Variants in TENM2 observed in about 807,000 individuals in gnomAD.
TENM2 encodes teneurin transmembrane protein 2.
A neutral mutation model predicts 245.2 loss-of-function variants in TENM2; 52 were observed. The observed-to-expected ratio is 0.21, with a 90% CI of 0.17 to 0.27. TENM2 has a LOEUF of 0.27. TENM2 is among the 10% of genes least tolerant of loss of function. The pLI, the probability that TENM2 is intolerant of heterozygous loss-of-function variation, is 1.00. For missense variants in TENM2, 3,046 were observed against 3,666.8 expected (o/e 0.83, Z 4.37); for synonymous variants, 1,363 against 1,438.9 (o/e 0.95, Z 1.19).
At chr5:167,498,449 A>T (rs1025481) in intron 2 of TENM2, among the ~76,000 whole-genome samples, 1 of 151,878 alleles carries the variant, frequency 6.6e-6, no homozygotes, top group Non-Finnish European at 1.5e-5. Flanking sequence ...AGAAGGTATG[A>T]CATTGCCAGG....
intron 2 of TENM2, among the ~76,000 whole-genome samples, chr5:167,539,738 C>T (rs1025287906): frequency 3.9e-5 from 6 of 152,098 alleles, no homozygotes; most frequent in Non-Finnish European, 8.8e-5. Flanking sequence ...AAAATATTGA[C>T]ACATCCCTAT....
At chr5:167,056,519 T>TAC in the TENM2 span, among the ~76,000 whole-genome samples, 1 of 146,084 alleles carries the variant, frequency 6.8e-6, no homozygotes, top group African/African-American at 2.5e-5. Flanking sequence ...ATGTATTTTA[T>TAC]GTATATATCT....
At chr5:167,373,797 A>G (rs1245369452) in intron 1 of TENM2, among the ~76,000 whole-genome samples, 1 of 152,188 alleles carries the variant, frequency 6.6e-6, no homozygotes, top group Admixed American at 6.5e-5. Context: ...CTCTTTGTAA[A>G]GTGGTGATGT....
chr5:167,551,026 G>A (rs1347526007), intron 2 of TENM2, among the ~76,000 whole-genome samples: 1 of 152,108 alleles, frequency 6.6e-6, no homozygotes, highest in Non-Finnish European at 1.5e-5. Context: ...ACCATGCCCA[G>A]CCATAACCTT....
chr5:167,418,592 A>C (rs1353819539), intron 2 of TENM2, among the ~76,000 whole-genome samples: 2 of 152,230 alleles, frequency 1.3e-5, no homozygotes, highest in African/African-American at 4.8e-5. Context: ...AATGAACAGG[A>C]CATGAACAAT....
intron 2 of TENM2, among the ~76,000 whole-genome samples, chr5:167,809,070 CAG>C (rs1766441932): frequency 6.6e-6 from 1 of 152,120 alleles, no homozygotes; most frequent in Non-Finnish European, 1.5e-5. Context: ...GAAATGCAGT[CAG>C]TGTGGAATTA....
chr5:167,382,737 C>T (rs183390216), intron 2 of TENM2, among the ~76,000 whole-genome samples: 31 of 152,162 alleles, frequency 2.0e-4, no homozygotes, highest in Admixed American at 1.4e-3. Context: ...GAAAAGGGGC[C>T]TGAACTCACT....
Position 167,857,677 on chromosome 5 carries a change from G to T in TENM2, c.503-18309G>T, listed in dbSNP as rs953104708. Among the ~76,000 whole-genome samples, 3 of 152,320 alleles carry T rather than the reference G, an allele frequency of 2.0e-5. No individual in the cohort carries two copies. The East Asian group carries it at 5.8e-4, about 29-fold the overall frequency. The stretch of plus-strand genomic sequence containing the variant: ...TCAAAGACCATAGTTTGGAAGATAA[G>T]AGTCTAATGTCATATGTGGGTTGGT... On this transcript the variant is annotated intron_variant, in intron 2 of 28. Coordinates refer to ENST00000518659, the Ensembl canonical transcript of TENM2.
intron 9 of TENM2, among the ~76,000 whole-genome samples, chr5:168,116,494 A>T (rs1795091192): frequency 6.6e-6 from 1 of 152,180 alleles, no homozygotes; most frequent in African/African-American, 2.4e-5. Context: ...GATTCACTCC[A>T]GGGACTGTTC....
intron 2 of TENM2, among the ~76,000 whole-genome samples, chr5:167,464,247 A>G (rs1368308433): frequency 1.3e-5 from 2 of 150,108 alleles, no homozygotes; most frequent in African/African-American, 4.8e-5. Context: ...GATGCTTTAG[A>G]GAGAGAGAGA....
intron 5 of TENM2, among the ~76,000 whole-genome samples, chr5:168,035,549 A>G (rs1339051534): frequency 6.6e-6 from 1 of 151,770 alleles, no homozygotes; most frequent in African/African-American, 2.4e-5. Context: ...TTTCTATTGG[A>G]CAGTGCTGAT....
intron 23 of TENM2, among the ~76,000 whole-genome samples, chr5:168,223,470 CTTTTT>C (rs34029248): frequency 7.3e-6 from 1 of 137,046 alleles, no homozygotes; most frequent in Non-Finnish European, 1.6e-5. Flanking sequence ...CAAGTAATTT[CTTTTT>C]TTTTTTTTTT....
chr5:167,645,712 CT>C (rs1779883312), intron 2 of TENM2, among the ~76,000 whole-genome samples: 2 of 151,432 alleles, frequency 1.3e-5, no homozygotes, highest in African/African-American at 2.4e-5. Context: ...TCACAGTATG[CT>C]ATCAATGTTA....
At chr5:167,323,442 A>G (rs2127775509) in intron 1 of TENM2, among the ~76,000 whole-genome samples, 1 of 152,334 alleles carries the variant, frequency 6.6e-6, no homozygotes. Flanking sequence ...TTATATGTGT[A>G]TATATGTATG....
the TENM2 span, among the ~76,000 whole-genome samples, chr5:167,185,117 G>A: frequency 1.4e-4 from 21 of 152,244 alleles, no homozygotes; most frequent in Non-Finnish European, 1.0e-4. Flanking sequence ...ATGTTAGAGC[G>A]CCTGGCCTCA....
chr5:167,251,406 C>T, the TENM2 span, among the ~76,000 whole-genome samples: 1 of 152,204 alleles, frequency 6.6e-6, no homozygotes, highest in East Asian at 1.9e-4. Flanking sequence ...AATGAAGATA[C>T]AAGCTAATGC....
rs192674381 is a variant in TENM2 at position 168,062,845 on chromosome 5, G to A, written c.1515+580G>A. Reference sequence around the variant, plus strand: ...GCAAATACATAGAAACAGAAAGGAGGTTAGTGGTTGCCAGGAACTGGGAAT... The same window carrying A: ...GCAAATACATAGAAACAGAAAGGAGATTAGTGGTTGCCAGGAACTGGGAAT... On this transcript the variant is annotated intron_variant, in intron 7 of 28. Transcript: ENST00000518659. Among the ~76,000 whole-genome samples, 127 of 152,304 alleles carry A rather than the reference G, an allele frequency of 8.3e-4. 1 individual carries two copies. The highest frequency in any genetic ancestry group is 6.8e-3 in the Middle Eastern group (2 of 294).
chr5:167,876,681 A>T (rs560227770), intron 3 of TENM2, among the ~76,000 whole-genome samples: 1 of 152,112 alleles, frequency 6.6e-6, no homozygotes, highest in Non-Finnish European at 1.5e-5. Flanking sequence ...TGAAATTACA[A>T]TGTGTTCCGT....
At chr5:167,379,357 A>G (rs1321413477) in intron 2 of TENM2, among the ~76,000 whole-genome samples, 1 of 152,156 alleles carries the variant, frequency 6.6e-6, no homozygotes, top group Non-Finnish European at 1.5e-5. Flanking sequence ...CTGAGACATG[A>G]GGAATGAAGC....
Sources: allele counts gnomAD v4.1 joint callset (sites outside exome capture counted in the v4.1 genomes callset), GRCh38; gene constraint gnomAD v4.1.1; transcripts MANE v1.5; gene names NCBI Gene and HGNC (gene_info 2026-07-23, HGNC 2026-07-21).